The following NELL2 variants were observed in gnomAD, a reference collection of about 807,000 sequenced individuals.
NELL2 encodes the protein protein kinase C-binding protein NELL2.
A neutral mutation model predicts 109.6 loss-of-function variants in NELL2; 41 were observed. That is an observed-to-expected ratio of 0.37 (90% CI 0.29 to 0.49). The LOEUF (loss-of-function observed/expected upper bound fraction) is 0.49, where lower values mean the gene tolerates loss of function less well. Among genes scored for constraint, NELL2 ranks in the 20% least tolerant of loss-of-function variants. NELL2 has a pLI of 0.98. For synonymous variants in NELL2, 355 were observed against 344.7 expected, an observed-to-expected ratio of 1.03 and a Z score of -0.33; for missense variants, 900 against 1,008.3, an observed-to-expected ratio of 0.89 and a Z score of 1.45.
At position 44,835,312 on chromosome 12, in the gene NELL2, G is replaced by A. The variant is rs540093417; in HGVS notation, c.185-19176C>T. ...AATACACCAAAAAGAATTATTCAGT[G>A]GCTTCTGGGGGGAAAAATCATTAAT... is the stretch of plus-strand genomic sequence containing the variant. On this transcript the variant is annotated intron_variant, in intron 2 of 19. Coordinates refer to ENST00000429094, the MANE Select transcript of NELL2 (RefSeq NM_001145108.2). Among the ~76,000 whole-genome samples, 41 of 152,312 alleles carry A rather than the reference G, an allele frequency of 2.7e-4. No individual in the cohort carries two copies. The South Asian group carries it at 2.9e-3, about 11-fold the overall frequency.
intron 1 of NELL2, among the ~76,000 whole-genome samples, chr12:44,890,097 T>C (rs1452176595): frequency 2.0e-5 from 3 of 152,224 alleles, no homozygotes; most frequent in Non-Finnish European, 4.4e-5. Context: ...CATTTAGTCC[T>C]CTGACAGGAA....
intron 10 of NELL2, among the ~76,000 whole-genome samples, chr12:44,713,050 T>C (rs1430651838): frequency 1.3e-5 from 2 of 151,872 alleles, no homozygotes; most frequent in Admixed American, 6.6e-5. Flanking sequence ...GACTTCTAAC[T>C]GAACCTATTT....
At chr12:44,560,661 CA>C (rs1489747842) in intron 15 of NELL2, among the ~76,000 whole-genome samples, 2 of 152,164 alleles carry the variant, frequency 1.3e-5, no homozygotes, top group Admixed American at 1.3e-4. Flanking sequence ...AGACCAATAA[CA>C]AGGTCTGAAA....
At chr12:44,808,625 G>A (rs1018167558) in intron 3 of NELL2, among the ~76,000 whole-genome samples, 1 of 151,920 alleles carries the variant, frequency 6.6e-6, no homozygotes, top group Non-Finnish European at 1.5e-5. Context: ...AGAAAGTAAT[G>A]AGTTTAGTAG....
In NELL2 at chr12:44,826,891, A is replaced by G. The variant is rs144435067; in HGVS notation, c.185-10755T>C. 3.1e-3 allele frequency among the ~76,000 whole-genome samples: 468 copies of G among 152,166 alleles called. 3 individuals are homozygous for G. The highest frequency in any genetic ancestry group is 0.011 in the African/African-American group (441 of 41,426). On this transcript the variant is annotated intron_variant, in intron 2 of 19. Transcript: ENST00000429094. ...GCGGATAAACCCTTATTTTAAATTA[A>G]CCTTTATAAAAGTATATTCTGAAGA...
At chr12:44,906,485 T>TA (rs1945720462) in intron 1 of NELL2, among the ~76,000 whole-genome samples, 1 of 151,938 alleles carries the variant, frequency 6.6e-6, no homozygotes. Flanking sequence ...ATAATCCAGG[T>TA]AAAAAATGAT....
chr12:44,865,232 G>A (rs1490890694), intron 2 of NELL2, among the ~76,000 whole-genome samples: 2 of 120,666 alleles, frequency 1.7e-5, no homozygotes, highest in Non-Finnish European at 3.4e-5. Context: ...TTTTTTTCTT[G>A]TAAATTTGTT....
intron 12 of NELL2, among the ~76,000 whole-genome samples, chr12:44,685,960 C>T (rs1948703128): frequency 6.6e-6 from 1 of 152,106 alleles, no homozygotes; most frequent in African/African-American, 2.4e-5. Context: ...TGAATGTTGG[C>T]CTGCCTTGAT....
At chr12:44,828,987 GT>G (rs896604829) in intron 2 of NELL2, among the ~76,000 whole-genome samples, 2 of 152,082 alleles carry the variant, frequency 1.3e-5, no homozygotes, top group African/African-American at 4.8e-5. Context: ...TGGCACTTGA[GT>G]TTATAATCAG....
intron 1 of NELL2, among the ~76,000 whole-genome samples, chr12:44,905,098 C>G (rs933587467): frequency 6.6e-6 from 1 of 152,022 alleles, no homozygotes; most frequent in Admixed American, 6.6e-5. Context: ...CACGGATTAT[C>G]TTATTTGAAA....
intron 15 of NELL2, among the ~76,000 whole-genome samples, chr12:44,559,791 A>T (rs544820326): frequency 1.3e-5 from 2 of 152,298 alleles, no homozygotes; most frequent in East Asian, 1.9e-4. Context: ...ATTCACAAGG[A>T]TATTCAGGAC....
chr12:44,585,662 G>A (rs915195364), intron 15 of NELL2, among the ~76,000 whole-genome samples: 9 of 151,846 alleles, frequency 5.9e-5, no homozygotes, highest in African/African-American at 2.2e-4. Flanking sequence ...GAACAAATAG[G>A]TACAATTTTA....
chr12:44,867,757 T>A (rs375710456), intron 2 of NELL2, among the ~76,000 whole-genome samples: 5 of 152,276 alleles, frequency 3.3e-5, no homozygotes, highest in Middle Eastern at 3.4e-3. Flanking sequence ...TTGTCAGAAC[T>A]AATAAATGAT....
intron 15 of NELL2, 78 bp downstream of exon 15, chr12:44,607,091 A>C: frequency 7.9e-7 from 1 of 1,270,956 alleles, no homozygotes; most frequent in Non-Finnish European, 1.1e-6. Flanking sequence ...TTGAAACTTG[A>C]AACATTATTT....
intron 3 of NELL2, among the ~76,000 whole-genome samples, chr12:44,786,296 T>A (rs539307222): frequency 6.6e-6 from 1 of 152,182 alleles, no homozygotes; most frequent in East Asian, 1.9e-4. Flanking sequence ...TACTGGTCAT[T>A]AGAAAAATGA....
intron 13 of NELL2, among the ~76,000 whole-genome samples, chr12:44,621,334 A>T (rs1454394662): frequency 1.3e-5 from 2 of 152,146 alleles, no homozygotes; most frequent in African/African-American, 2.4e-5. Context: ...GAAAGCCAGA[A>T]TGTGAAGTGG....
At chr12:44,783,492 C>G (rs1034873142) in intron 3 of NELL2, among the ~76,000 whole-genome samples, 3 of 151,604 alleles carry the variant, frequency 2.0e-5, no homozygotes, top group African/African-American at 7.3e-5. Context: ...GAAAAGATAT[C>G]AATATTAAGA....
intron 2 of NELL2, among the ~76,000 whole-genome samples, chr12:44,819,223 A>G (rs1943461655): frequency 6.6e-6 from 1 of 152,198 alleles, no homozygotes; most frequent in South Asian, 2.1e-4. Flanking sequence ...CTATCAAAAA[A>G]ATTGATCAAT....
chr12:44,768,518 GTT>G (rs57122542), intron 9 of NELL2, among the ~76,000 whole-genome samples: 33,665 of 151,734 alleles, frequency 0.22, 3,903 homozygotes, highest in South Asian at 0.27. Context: ...TTATAAAAGT[GTT>G]CTAATTCTAT....
Sources: gnomAD v4.1 joint callset for allele counts (sites outside exome capture counted in the v4.1 genomes callset) on GRCh38, gnomAD v4.1.1 for gene constraint, MANE v1.5 for transcripts, NCBI Gene and HGNC (gene_info 2026-07-23, HGNC 2026-07-21) for gene names.